MEGF10: variants seen among roughly 807,000 people sequenced by gnomAD.
The protein encoded by MEGF10 is multiple EGF like domains 10, also known as multiple epidermal growth factor-like domains protein 10.
Under a neutral mutation model 147.5 loss-of-function variants are expected in MEGF10, and 86 were observed. The observed-to-expected ratio is 0.58, with a 90% CI of 0.49 to 0.70. MEGF10 has a LOEUF of 0.70. Ranked by LOEUF, MEGF10 falls within the 30% of genes least tolerant of loss-of-function variation. MEGF10 has a pLI of 0.00. For missense variants in MEGF10, 1,329 were observed against 1,487.3 expected, an observed-to-expected ratio of 0.89 and a Z score of 1.75; for synonymous variants, 478 against 525.5, an observed-to-expected ratio of 0.91 and a Z score of 1.24.
At chr5:127,241,075 T>G in the MEGF10 span, among the ~76,000 whole-genome samples, 1 of 152,242 alleles carries the variant, frequency 6.6e-6, no homozygotes, top group African/African-American at 2.4e-5. Flanking sequence ...CATCAGGCTA[T>G]ATAGTGTTTA....
At chr5:127,268,057 A>C in the MEGF10 span, among the ~76,000 whole-genome samples, 1 of 152,166 alleles carries the variant, frequency 6.6e-6, no homozygotes, top group South Asian at 2.1e-4. Flanking sequence ...GTGGGCATTT[A>C]GTGCTATAAA....
At chr5:127,424,402 T>C in intron 13 of MEGF10, 1 of 860,908 alleles carries the variant, frequency 1.2e-6, no homozygotes, top group Non-Finnish European at 1.9e-6. Flanking sequence ...TATGTTAATT[T>C]CCACAAAGAA....
At chr5:127,341,154 C>G (rs1254743326) in intron 4 of MEGF10, among the ~76,000 whole-genome samples, 1 of 152,172 alleles carries the variant, frequency 6.6e-6, no homozygotes. Flanking sequence ...CTACCCTCCC[C>G]ACTTCACCAG....
chr5:127,402,063 A>G (rs897269930), intron 7 of MEGF10, among the ~76,000 whole-genome samples: 7 of 152,270 alleles, frequency 4.6e-5, no homozygotes, highest in African/African-American at 1.7e-4. Flanking sequence ...ATTTTAAGAA[A>G]TAAAGCCAAT....
chr5:127,331,859 C>G (rs27562), intron 2 of MEGF10, among the ~76,000 whole-genome samples: 91,984 of 151,730 alleles, frequency 0.61, 28,100 homozygotes, highest in Middle Eastern at 0.78. Flanking sequence ...GGCTTGAAAA[C>G]GGAGACCTAA....
chr5:127,342,824 CT>C (rs1761734535), intron 4 of MEGF10, among the ~76,000 whole-genome samples: 1 of 146,766 alleles, frequency 6.8e-6, no homozygotes, highest in Non-Finnish European at 1.5e-5. Flanking sequence ...CCAACTGCCC[CT>C]GAGACTGCAA....
At chr5:127,289,150 G>C (rs1186575484), upstream of MEGF10, among the ~76,000 whole-genome samples, 1 of 152,120 alleles carries the variant, frequency 6.6e-6, no homozygotes, top group Non-Finnish European at 1.5e-5. Context: ...TGAAGCAGTG[G>C]TTACATGGGT....
At chr5:127,442,900 G>A (rs1765806482) in intron 18 of MEGF10, 98 bp from the exon 19 acceptor site, 1 of 1,324,506 alleles carries the variant, frequency 7.5e-7, no homozygotes, top group Non-Finnish European at 1.0e-6. Flanking sequence ...GGAATCCCCT[G>A]AAAGGACTCA....
At chr5:127,322,074 C>CAAA (rs5871248) in intron 1 of MEGF10, among the ~76,000 whole-genome samples, 3 of 131,818 alleles carry the variant, frequency 2.3e-5, no homozygotes, top group African/African-American at 2.8e-5. Context: ...AGCGCTTTTG[C>CAAA]AAAAAAAAAA....
At chr5:127,405,419 TA>T (rs1453838294) in intron 8 of MEGF10, among the ~76,000 whole-genome samples, 1 of 152,176 alleles carries the variant, frequency 6.6e-6, no homozygotes, top group Non-Finnish European at 1.5e-5. Flanking sequence ...TGTAATTGGA[TA>T]TTTCTGGTTG....
intron 5 of MEGF10, among the ~76,000 whole-genome samples, chr5:127,390,874 C>T (rs569117679): frequency 2.0e-5 from 3 of 152,120 alleles, no homozygotes; most frequent in East Asian, 1.9e-4. Context: ...TTGCTACCTG[C>T]GTAACTTTGA....
At chr5:127,357,980 C>T (rs926373851) in intron 4 of MEGF10, among the ~76,000 whole-genome samples, 2 of 152,140 alleles carry the variant, frequency 1.3e-5, no homozygotes, top group South Asian at 4.1e-4. Flanking sequence ...TCCATGTGGC[C>T]TCTGAAGGCA....
In MEGF10 at chr5:127,332,759, G is replaced by A. The variant is rs184525785; in HGVS notation, c.116+1335G>A. ...TAATATTTACAGCACCTCCCATAAG[G>A]CATTTCATCAATAAAATATATAATA... On this transcript the variant is annotated intron_variant, in intron 2 of 24. Coordinates refer to ENST00000503335, the MANE Select transcript of MEGF10 (RefSeq NM_001256545.2). Among the ~76,000 whole-genome samples, 74 of 152,122 alleles carry A rather than the reference G, an allele frequency of 4.9e-4. 2 individuals carry two copies. The East Asian group carries it at 0.013, about 27-fold the overall frequency.
At chr5:127,450,675 A>G (rs1246724897) in intron 22 of MEGF10, among the ~76,000 whole-genome samples, 1 of 152,134 alleles carries the variant, frequency 6.6e-6, no homozygotes, top group Non-Finnish European at 1.5e-5. Flanking sequence ...TGTACACTAA[A>G]GATTATTTTT....
chr5:127,338,374 G>A (rs2126796430), intron 2 of MEGF10, among the ~76,000 whole-genome samples: 1 of 152,256 alleles, frequency 6.6e-6, no homozygotes, highest in Admixed American at 6.5e-5. Context: ...TCAACAGTGA[G>A]TATTCTTCAT....
intron 22 of MEGF10, among the ~76,000 whole-genome samples, chr5:127,453,680 T>C (rs532911045): frequency 1.5e-4 from 23 of 152,308 alleles, no homozygotes; most frequent in African/African-American, 4.8e-4. Flanking sequence ...GTTTTCTCCT[T>C]TTTTGTCACA....
Position 127,433,455 on chromosome 5 carries a change from G to A in MEGF10, c.1786G>A (p.Asp596Asn), listed in dbSNP as rs750101957. Residue 596 changes from aspartate (D) to asparagine (N), a missense_variant, in exon 14 of 25, where the codon GAT becomes AAT. Physicochemically the swap from Asp to Asn is conservative, Grantham distance 23. This residue lies in a region of MEGF10 where 980 missense variants were observed against 1,085.9 expected (regional missense o/e 0.90). Coordinates refer to ENST00000503335, the MANE Select transcript of MEGF10 (RefSeq NM_001256545.2). ...YCKNGASCSP[D>N]DGICECAPGF... ...TAAAAATGGGGCTTCATGCTCCCCT[G>A]ATGATGGCATCTGCGAGTGTGCACC... is the stretch of plus-strand genomic sequence containing the variant. The A allele has an allele frequency of 1.2e-6, 2 of 1,613,918 alleles. No individual in the cohort carries two copies. The highest frequency in any genetic ancestry group is 1.3e-5 in the African/African-American group (1 of 75,046).
chr5:127,249,992 G>A, the MEGF10 span, among the ~76,000 whole-genome samples: 3 of 152,102 alleles, frequency 2.0e-5, no homozygotes, highest in African/African-American at 7.2e-5. Flanking sequence ...ATTCATTTAT[G>A]AGGGAGGAGC....
chr5:127,280,504 C>G, the MEGF10 span, among the ~76,000 whole-genome samples: 5 of 152,218 alleles, frequency 3.3e-5, no homozygotes, highest in African/African-American at 1.2e-4. Context: ...GTGTGCTCAT[C>G]ATCTGTTAAC....
Sources: allele counts gnomAD v4.1 joint callset (sites outside exome capture counted in the v4.1 genomes callset), GRCh38; gene constraint gnomAD v4.1.1; regional missense constraint gnomAD v4.1.1; transcripts MANE v1.5; gene names NCBI Gene and HGNC (gene_info 2026-07-23, HGNC 2026-07-21).